Variants in STRA6 observed in about 807,000 individuals in gnomAD.
STRA6 encodes the protein receptor for retinol uptake STRA6.
STRA6 carries 48 observed loss-of-function variants against 83.6 expected under a neutral mutation model. The ratio of observed to expected loss-of-function variants is 0.57; its 90% CI spans 0.46 to 0.73. The LOEUF is 0.73. Among genes scored for constraint, STRA6 ranks in the 30% least tolerant of loss-of-function variants. STRA6 has a pLI of 0.00. For synonymous variants in STRA6, 353 were observed against 362.3 expected, an observed-to-expected ratio of 0.97 and a Z score of 0.29; for missense variants, 760 against 838.8, an observed-to-expected ratio of 0.91 and a Z score of 1.16.
intron 2 of STRA6, among the ~76,000 whole-genome samples, chr15:74,198,315 C>T (rs895380627): frequency 6.6e-6 from 1 of 151,836 alleles, no homozygotes; most frequent in East Asian, 1.9e-4. Context: ...CTCACCATGT[C>T]GCCCAGGCTG....
At chr15:74,201,816 C>G (rs1179941416) in intron 2 of STRA6, among the ~76,000 whole-genome samples, 1 of 152,140 alleles carries the variant, frequency 6.6e-6, no homozygotes, top group Non-Finnish European at 1.5e-5. Flanking sequence ...CTCAACTGCT[C>G]TCAGCAGCTT....
upstream of STRA6, chr15:74,209,066 C>G (rs2074327128): frequency 8.2e-7 from 1 of 1,224,658 alleles, no homozygotes. Flanking sequence ...CTTCTCCAGT[C>G]TGGCTCTGCC....
intron 11 of STRA6, 115 bp downstream of exon 11, chr15:74,190,725 G>A: frequency 1.3e-6 from 2 of 1,501,392 alleles, no homozygotes; most frequent in Admixed American, 1.7e-5. Flanking sequence ...TGCAGCACCT[G>A]GTCAGGGTTC....
rs553473245 is a variant in STRA6 at position 74,181,533 on chromosome 15, G to T, written c.1521-75C>A. 338 of 1,560,024 alleles carry T rather than the reference G, an allele frequency of 2.2e-4. 1 individual carries two copies. In the African/African-American group the frequency reaches 4.1e-3, roughly 19 times the overall value. ...CCCAGGGTCAGTGTCAGACCTGGAT[G>T]CCCAGAACTGCTGTGTATTTACTGA... On this transcript the variant is annotated intron_variant, in intron 16 of 18. Transcript: ENST00000395105.
intron 8 of STRA6, chr15:74,192,056 G>A (rs2073570854): frequency 5.9e-6 from 1 of 169,422 alleles, no homozygotes; most frequent in South Asian, 1.5e-4. Context: ...TGGAATCACT[G>A]GGAGAACACA....
At chr15:74,202,409 C>T (rs1266790264) in intron 1 of STRA6, 127 bp from the exon 2 acceptor site, 3 of 1,539,312 alleles carry the variant, frequency 1.9e-6, no homozygotes, top group Non-Finnish European at 2.6e-6. Context: ...CTGAAGGTTA[C>T]TTTCTTACTT....
Position 74,182,346 on chromosome 15 carries a change from G to A in STRA6, c.1415C>T (p.Ser472Leu), listed in dbSNP as rs370707796. ...CTCCATGTCTTGTTTCACTCACCAC[G>A]AGGACTCCAGGGAACGGAAGAGCAG... ...NLLLFRSLES[S>L]WPFWLTLALA... The change falls in exon 15 of 19, where the codon TCG (serine) becomes TTG (leucine). Residue 472 changes from serine to leucine, a missense_variant. By Grantham distance (145) the Ser-to-Leu change is moderately radical. Transcript: ENST00000395105. The A allele has an allele frequency of 9.9e-6, 16 of 1,613,996 alleles. No homozygotes were observed. The African/African-American group carries it at 1.3e-4, about 13-fold the overall frequency.
chr15:74,195,220 T>A, intron 7 of STRA6, 82 bp downstream of exon 7: 1 of 1,566,988 alleles, frequency 6.4e-7, no homozygotes, highest in Non-Finnish European at 8.6e-7. Context: ...CATCATAGAA[T>A]CAGAGCTCAA....
intron 16 of STRA6, 105 bp from the exon 17 acceptor site, chr15:74,181,563 C>T (rs572207002): frequency 1.5e-5 from 22 of 1,461,102 alleles, no homozygotes; most frequent in Middle Eastern, 1.8e-4. Flanking sequence ...TACTGAGTGC[C>T]TACCATTTAT....
chr15:74,204,961 G>T (rs1303135945), upstream of STRA6, among the ~76,000 whole-genome samples: 1 of 151,122 alleles, frequency 6.6e-6, no homozygotes, highest in East Asian at 1.9e-4. Context: ...AGAAAGAAAA[G>T]AAACCATCCT....
chr15:74,196,211 C>T, intron 4 of STRA6, 64 bp from the exon 5 acceptor site: 3 of 1,597,972 alleles, frequency 1.9e-6, no homozygotes, highest in Admixed American at 1.7e-5. Flanking sequence ...CATTACCTCC[C>T]AGCTGTATTC....
intron 7 of STRA6, among the ~76,000 whole-genome samples, chr15:74,194,178 G>A (rs2073697114): frequency 6.7e-6 from 1 of 150,220 alleles, no homozygotes; most frequent in Admixed American, 6.7e-5. Context: ...AAGAGGAGGA[G>A]ATCACTTGAT....
In STRA6 at chr15:74,179,796, C is replaced by T. The variant is rs539043334; in HGVS notation, c.*284G>A. On this transcript the variant is annotated 3_prime_UTR_variant, in exon 19 of 19. Transcript: ENST00000395105. ...TGATGGCAGAGCCAGGGTAGGGAGA[C>T]GCCTGGATGTGGCTGCCCTGGCTCA... 2.3e-4 allele frequency: 97 copies of T among 421,704 alleles called. No individual in the cohort carries two copies. The highest frequency in any genetic ancestry group is 2.2e-3 in the East Asian group (54 of 24,640). 26.1% of individuals were successfully genotyped at this position (421,704 alleles called of 1,614,324 possible). A position where few individuals can be genotyped will look rare whatever the true frequency, so the allele number is the denominator to read the frequency against.
At position 74,185,172 on chromosome 15, in the gene STRA6, T is replaced by C; in HGVS notation, c.1091-117A>G. Reference sequence around the variant, plus strand: ...GAGTTCCCCCTGCCCCAAACTGAACTCTGTGTGGAAGCCTCTTGGCCCCAC... The same window carrying C: ...GAGTTCCCCCTGCCCCAAACTGAACCCTGTGTGGAAGCCTCTTGGCCCCAC... On this transcript the variant is annotated intron_variant, in intron 12 of 18. Coordinates refer to ENST00000395105, the MANE Select transcript of STRA6 (RefSeq NM_022369.4). 3.0e-6 allele frequency: 3 copies of C among 1,015,468 alleles called. No homozygotes were observed. In the Admixed American group the frequency reaches 5.9e-5, roughly 20 times the overall value. The allele number at this position is 1,015,468 out of a possible 1,614,324, so 62.9% of individuals were successfully genotyped here.
intron 8 of STRA6, 95 bp from the exon 9 acceptor site, chr15:74,191,586 G>A: frequency 8.9e-7 from 1 of 1,127,698 alleles, no homozygotes; most frequent in South Asian, 1.2e-5. Context: ...CCAAGCAGGT[G>A]CTCCATAAAA....
At chr15:74,180,987 G>A (rs1386668891) in intron 17 of STRA6, 50 bp from the exon 18 acceptor site, 1 of 1,607,910 alleles carries the variant, frequency 6.2e-7, no homozygotes. Context: ...GGCCACACTG[G>A]AGGCATCCAG....
At chr15:74,192,835 G>T (rs908852245) in intron 8 of STRA6, among the ~76,000 whole-genome samples, 33 of 152,184 alleles carry the variant, frequency 2.2e-4, no homozygotes, top group African/African-American at 6.8e-4. Context: ...CCAGAAAGAA[G>T]TAGTGGACCC....
chr15:74,204,912 AC>A (rs2074225222), upstream of STRA6, among the ~76,000 whole-genome samples: 1 of 151,800 alleles, frequency 6.6e-6, no homozygotes, highest in African/African-American at 2.4e-5. Context: ...TCCAGCCTGG[AC>A]AAAAGAGGCA....
At chr15:74,205,721 A>G (rs2074244990), upstream of STRA6, among the ~76,000 whole-genome samples, 1 of 152,236 alleles carries the variant, frequency 6.6e-6, no homozygotes, top group South Asian at 2.1e-4. Flanking sequence ...AAGGGACCCC[A>G]GCTGAGCCCA....
Sources: allele counts gnomAD v4.1 joint callset (sites outside exome capture counted in the v4.1 genomes callset), GRCh38; gene constraint gnomAD v4.1.1; transcripts MANE v1.5; gene names NCBI Gene and HGNC (gene_info 2026-07-23, HGNC 2026-07-21).